ZBTB7C: variants seen among roughly 807,000 people sequenced by gnomAD.
ZBTB7C encodes zinc finger and BTB domain-containing protein 7C.
Under a neutral mutation model 25.7 loss-of-function variants are expected in ZBTB7C, and 8 were observed. The ratio of observed to expected loss-of-function variants is 0.31; its 90% confidence interval spans 0.18 to 0.56. The LOEUF (loss-of-function observed/expected upper bound fraction) is 0.56, where lower values mean the gene tolerates loss of function less well. ZBTB7C is among the 20% of genes least tolerant of loss of function. The pLI is 0.91. For synonymous variants in ZBTB7C, 394 were observed against 369.0 expected (o/e 1.07, Z -0.78); for missense variants, 824 against 855.2 (o/e 0.96, Z 0.46).
chr18:48,097,569 G>T (rs2038684291), intron 3 of ZBTB7C, among the ~76,000 whole-genome samples: 1 of 152,138 alleles, frequency 6.6e-6, no homozygotes, highest in South Asian at 2.1e-4. Flanking sequence ...GCTAATTTTT[G>T]TATTTTTAGT....
intron 3 of ZBTB7C, among the ~76,000 whole-genome samples, chr18:48,167,579 T>TTTGTGTGTGTGTGTGTGTGTGC (rs35077267): frequency 6.6e-6 from 1 of 151,082 alleles, no homozygotes; most frequent in Non-Finnish European, 1.5e-5. Context: ...TGTGTGTGTG[T>TTTGTGTGTGTGTGTGTGTGTGC]GTGTGTGTGT....
At position 48,050,427 on chromosome 18, in the gene ZBTB7C, G is replaced by C. The variant is rs141886684; in HGVS notation, c.-16-9304C>G. Among the ~76,000 whole-genome samples, 1,077 of 152,300 alleles carry C rather than the reference G, an allele frequency of 7.1e-3. 6 individuals carry two copies. The highest frequency in any genetic ancestry group is 0.011 in the Non-Finnish European group (782 of 68,026). ...GCACCCCAGGCAGAGCGCCCACACT[G>C]GGTAAAGCCGGCCCCACCTGCTCTG... is the stretch of plus-strand genomic sequence containing the variant. On this transcript the variant is annotated intron_variant, in intron 3 of 4. Coordinates refer to ENST00000590800, the MANE Select transcript of ZBTB7C (RefSeq NM_001318841.2).
At chr18:48,119,697 C>A (rs1293370223) in intron 3 of ZBTB7C, among the ~76,000 whole-genome samples, 1 of 152,212 alleles carries the variant, frequency 6.6e-6, no homozygotes, top group Non-Finnish European at 1.5e-5. Context: ...TTAGGTCCAT[C>A]CTGGGTGCCT....
At chr18:48,119,575 A>C (rs56267244) in intron 3 of ZBTB7C, among the ~76,000 whole-genome samples, 23,494 of 152,192 alleles carry the variant, frequency 0.15, 1,954 homozygotes, top group South Asian at 0.23. Flanking sequence ...GTCTTTTTTA[A>C]ATGTTATTAT....
intron 3 of ZBTB7C, chr18:48,165,134 C>T (rs1171506446): frequency 1.6e-6 from 2 of 1,289,650 alleles, no homozygotes; most frequent in East Asian, 5.5e-5. Flanking sequence ...CACTCACCAA[C>T]CCTTCATTTT....
intron 2 of ZBTB7C, among the ~76,000 whole-genome samples, chr18:48,206,261 G>A: frequency 6.6e-6 from 1 of 152,162 alleles, no homozygotes; most frequent in East Asian, 1.9e-4. Context: ...AGAAGCCAAT[G>A]GAACAGAATA....
intron 3 of ZBTB7C, among the ~76,000 whole-genome samples, chr18:48,170,523 C>T (rs12966055): frequency 0.038 from 5,754 of 152,280 alleles, 116 homozygotes; most frequent in African/African-American, 0.043. Flanking sequence ...TCACCAAACC[C>T]GGGGCAGCCT....
chr18:48,040,849 C>T lies in ZBTB7C; in HGVS notation c.259G>A (p.Ala87Thr), dbSNP rs2036210126. Residue 87 changes from alanine to threonine, a missense_variant, in exon 4 of 5, where the codon GCT (alanine) becomes ACT (threonine). Physicochemically the swap from Ala to Thr is moderately conservative, Grantham distance 58 (BLOSUM62 0). Transcript: ENST00000590800. ...GAGGTGTAGGCGAACTCCAGGATAG[C>T]AGCCAGAGCCTCAGGCTGGACAAAG... Reference protein sequence around the residue: ...IDFVQPEALAAILEFAYTSTL... With the variant: ...IDFVQPEALATILEFAYTSTL... The T allele has an allele frequency of 1.2e-6, 2 of 1,613,918 alleles. No individual in the cohort carries two copies. Among genetic ancestry groups the T allele is most frequent in the Non-Finnish European group, 1.7e-6 (2 of 1,179,986 alleles).
chr18:48,130,438 A>G (rs1420138317), intron 3 of ZBTB7C, among the ~76,000 whole-genome samples: 1 of 152,172 alleles, frequency 6.6e-6, no homozygotes, highest in Non-Finnish European at 1.5e-5. Flanking sequence ...AGTTGTGCAC[A>G]CAGCTAGCCA....
At chr18:48,108,632 G>A in intron 3 of ZBTB7C, among the ~76,000 whole-genome samples, 1 of 152,120 alleles carries the variant, frequency 6.6e-6, no homozygotes, top group East Asian at 1.9e-4. Flanking sequence ...TGTAGAGACA[G>A]GGTCTTGCTT....
chr18:48,282,232 A>G (rs376527150), intron 2 of ZBTB7C, among the ~76,000 whole-genome samples: 1 of 144,222 alleles, frequency 6.9e-6, no homozygotes, highest in Non-Finnish European at 1.5e-5. Context: ...AACACCGCAT[A>G]TTCTCACTCA....
chr18:48,296,047 T>C (rs2045379081), intron 2 of ZBTB7C, among the ~76,000 whole-genome samples: 1 of 152,204 alleles, frequency 6.6e-6, no homozygotes, highest in African/African-American at 2.4e-5. Context: ...ACAGGGGAGC[T>C]ACCTCCAAGC....
At chr18:48,306,241 G>A (rs571448287) in intron 2 of ZBTB7C, among the ~76,000 whole-genome samples, 17 of 152,246 alleles carry the variant, frequency 1.1e-4, no homozygotes, top group African/African-American at 3.1e-4. Context: ...AGATTTCCTC[G>A]TGACTCCCAC....
chr18:48,276,869 T>A (rs2044673637), intron 2 of ZBTB7C, among the ~76,000 whole-genome samples: 1 of 102,388 alleles, frequency 9.8e-6, no homozygotes, highest in Non-Finnish European at 1.9e-5. Context: ...CCCTGAGGAA[T>A]CGCCACACTG....
Position 48,272,460 on chromosome 18 carries a change from A to G in ZBTB7C, c.-79+65714T>C, listed in dbSNP as rs554185752. Among the ~76,000 whole-genome samples the G allele has an allele frequency of 2.0e-5, 3 of 152,320 alleles. No individual in the cohort carries two copies. The East Asian group carries it at 5.8e-4, about 29-fold the overall frequency. On this transcript the variant is annotated intron_variant, in intron 2 of 4. Coordinates refer to ENST00000590800, the MANE Select transcript of ZBTB7C (RefSeq NM_001318841.2). ...GGGGAGAGATGTATTCCAGATGGAG[A>G]GAAGACTCAATACTGAGGTGCTAAT...
intron 2 of ZBTB7C, among the ~76,000 whole-genome samples, chr18:48,287,948 T>C (rs527723371): frequency 1.4e-4 from 21 of 152,220 alleles, no homozygotes; most frequent in Non-Finnish European, 2.8e-4. Flanking sequence ...GCAGCTACTA[T>C]GAAACTTAAC....
chr18:48,218,621 A>G (rs2042880249), intron 2 of ZBTB7C, among the ~76,000 whole-genome samples: 2 of 152,210 alleles, frequency 1.3e-5, no homozygotes, highest in Non-Finnish European at 2.9e-5. Context: ...TTTTTAAACC[A>G]CAAGTACATT....
intron 1 of ZBTB7C, among the ~76,000 whole-genome samples, chr18:48,338,917 G>C (rs1015412775): frequency 6.6e-6 from 1 of 151,040 alleles, no homozygotes; most frequent in Admixed American, 6.6e-5. Context: ...TTGTTGGGGG[G>C]GGGGGGTCCA....
intron 3 of ZBTB7C, chr18:48,147,882 G>A (rs1357496825): frequency 6.6e-6 from 1 of 152,226 alleles, no homozygotes; most frequent in South Asian, 2.1e-4. Context: ...CCAAAGTGCT[G>A]GAGTTACAGG....
Sources: allele counts gnomAD v4.1 joint callset (sites outside exome capture counted in the v4.1 genomes callset), GRCh38; gene constraint gnomAD v4.1.1; transcripts MANE v1.5; gene names NCBI Gene and HGNC (gene_info 2026-07-23, HGNC 2026-07-21).